Variants in LRRC49 observed in about 807,000 individuals in gnomAD.
LRRC49 encodes leucine-rich repeat-containing protein 49.
A neutral mutation model predicts 83.3 loss-of-function variants in LRRC49; 50 were observed. That is an observed-to-expected ratio of 0.60 (90% CI 0.48 to 0.76). LRRC49 has a LOEUF of 0.76. LRRC49 is among the 30% of genes least tolerant of loss of function. LRRC49 has a pLI of 0.00. For synonymous variants in LRRC49, 286 were observed against 283.3 expected, an observed-to-expected ratio of 1.01 and a Z score of -0.10; for missense variants, 704 against 809.1, an observed-to-expected ratio of 0.87 and a Z score of 1.58.
At position 70,980,139 on chromosome 15, in the gene LRRC49, A is replaced by G. The variant is rs779985740; in HGVS notation, c.960A>G (p.Lys320=). The G allele has an allele frequency of 3.1e-6, 5 of 1,612,478 alleles. No individual in the cohort carries two copies. The highest frequency in any genetic ancestry group is 1.7e-5 in the Admixed American group (1 of 59,612). Residue 320 remains lysine, a synonymous_variant, in exon 10 of 16, where the codon AAA becomes AAG. Coordinates refer to ENST00000260382, the MANE Select transcript of LRRC49 (RefSeq NM_017691.5). ...GTATGGCATCTGTTTTAGCCAAAAA[A>G]GAGGAAGAGAAGAAGCGGGAAAGTC... is the stretch of plus-strand genomic sequence containing the variant. ...ERRMASVLAK[K]EEEKKRESHK...
chr15:71,021,539 A>G (rs1207112570), intron 14 of LRRC49, among the ~76,000 whole-genome samples: 3 of 152,188 alleles, frequency 2.0e-5, no homozygotes, highest in Non-Finnish European at 2.9e-5. Context: ...TGTGTGACAA[A>G]CACCCCAAAT....
chr15:71,031,331 G>A (rs562328623), intron 14 of LRRC49, among the ~76,000 whole-genome samples: 4 of 152,346 alleles, frequency 2.6e-5, no homozygotes, highest in African/African-American at 9.6e-5. Flanking sequence ...GGAGGCTGCA[G>A]AACAGCAAAG....
exon 2 of LRRC49, chr15:70,872,943 G>T: frequency 2.8e-6 from 1 of 355,906 alleles, no homozygotes; most frequent in Non-Finnish European, 5.3e-6. Context: ...CTGGAGTGCC[G>T]TGGTGCGATC....
At chr15:70,972,964 C>T (rs1013337757) in intron 9 of LRRC49, among the ~76,000 whole-genome samples, 1 of 151,984 alleles carries the variant, frequency 6.6e-6, no homozygotes, top group African/African-American at 2.4e-5. Context: ...TTGTTACTAC[C>T]CACCTTCTGA....
At chr15:70,940,281 G>A (rs910511140) in intron 8 of LRRC49, among the ~76,000 whole-genome samples, 5 of 137,918 alleles carry the variant, frequency 3.6e-5, no homozygotes, top group African/African-American at 1.3e-4. Flanking sequence ...TTTTGAGACG[G>A]AGTCTCGCTC....
At chr15:70,874,521 A>G (rs1485816473) in intron 2 of LRRC49, among the ~76,000 whole-genome samples, 1 of 152,206 alleles carries the variant, frequency 6.6e-6, no homozygotes, top group Non-Finnish European at 1.5e-5. Flanking sequence ...GAAGGTTGAC[A>G]GTCTTTTGAA....
At chr15:70,981,473 A>G (rs938116656) in intron 10 of LRRC49, among the ~76,000 whole-genome samples, 2 of 152,002 alleles carry the variant, frequency 1.3e-5, no homozygotes, top group African/African-American at 4.8e-5. Flanking sequence ...CTGCATATGT[A>G]TCCTAGAACT....
intron 9 of LRRC49, 53 bp from the exon 10 acceptor site, chr15:70,980,048 G>T: frequency 9.1e-7 from 1 of 1,104,366 alleles, no homozygotes; most frequent in Non-Finnish European, 1.3e-6. Context: ...ATGATATTTA[G>T]CATTAAAAAA....
intron 2 of LRRC49, chr15:70,881,367 C>T (rs1388993793): frequency 6.6e-6 from 1 of 152,138 alleles, no homozygotes; most frequent in Non-Finnish European, 1.5e-5. Context: ...ATTTTATTTT[C>T]CTTAAAGCAG....
In LRRC49 at chr15:70,911,568, C is replaced by A; in HGVS notation, c.537C>A (p.Ser179Arg). ...KKISNLENLK[S>R]LDVLDLHGNQ... ...TCTCAAATCTGGAGAATCTAAAAAG[C>A]TTAGATGTCTTGGATCTTCATGGAA... Residue 179 changes from serine to arginine, a missense_variant, in exon 6 of 16, where the codon AGC becomes AGA. Transcript: ENST00000260382. 6.3e-7 allele frequency: 1 copy of A among 1,578,096 alleles called. No homozygotes were observed. Among genetic ancestry groups the A allele is most frequent in the Non-Finnish European group, 8.6e-7 (1 of 1,162,760 alleles).
chr15:70,956,598 T>G (rs2036411722), intron 8 of LRRC49, among the ~76,000 whole-genome samples: 2 of 152,168 alleles, frequency 1.3e-5, no homozygotes, highest in South Asian at 4.1e-4. Context: ...GGTGTTTTTT[T>G]TTAAACAGTC....
chr15:70,882,207 A>C (rs1031166361), intron 2 of LRRC49: 1 of 372,408 alleles, frequency 2.7e-6, no homozygotes, highest in Non-Finnish European at 4.8e-6. Flanking sequence ...TTGCTTTGTA[A>C]CCTGATTTCT....
chr15:70,859,477 C>T, intron 1 of LRRC49: 3 of 700,176 alleles, frequency 4.3e-6, no homozygotes, highest in South Asian at 4.2e-5. Flanking sequence ...ACTTCCTGGA[C>T]ACGGTCAGCA....
rs537390614 is a variant in LRRC49, at chr15:71,006,315, A to G, written c.1170-2064A>G. Among the ~76,000 whole-genome samples, 4 of 152,330 alleles carry G rather than the reference A, an allele frequency of 2.6e-5. No homozygotes were observed. The South Asian group carries it at 8.3e-4, about 32-fold the overall frequency. On this transcript the variant is annotated intron_variant, in intron 11 of 15. Coordinates refer to ENST00000260382, the MANE Select transcript of LRRC49 (RefSeq NM_017691.5). ...TTCTTAAACTTTTAATTATGTGGAA[A>G]AAGAAAAGCAAGACACTTTTAAATA...
intron 9 of LRRC49, among the ~76,000 whole-genome samples, chr15:70,970,782 A>G (rs886373268): frequency 5.3e-5 from 8 of 152,064 alleles, no homozygotes; most frequent in African/African-American, 1.9e-4. Flanking sequence ...AGAGGTGTTT[A>G]TAGTATTCTC....
intron 9 of LRRC49, among the ~76,000 whole-genome samples, chr15:70,968,764 G>A (rs1157331131): frequency 6.6e-6 from 1 of 151,952 alleles, no homozygotes; most frequent in African/African-American, 2.4e-5. Flanking sequence ...ATGTTTGATG[G>A]CTACATAAAT....
At chr15:70,900,512 T>C in intron 3 of LRRC49, 1 of 456,908 alleles carries the variant, frequency 2.2e-6, no homozygotes, top group Non-Finnish European at 4.4e-6. Context: ...CATTTGGAGA[T>C]TCTTCCATTA....
intron 6 of LRRC49, chr15:70,918,340 G>A (rs1328541594): frequency 1.3e-5 from 2 of 152,278 alleles, no homozygotes; most frequent in African/African-American, 4.8e-5. Context: ...CTTGGGCAAA[G>A]GTACCACTGG....
intron 1 of LRRC49, among the ~76,000 whole-genome samples, chr15:70,870,023 T>G (rs1010594120): frequency 2.6e-5 from 4 of 152,214 alleles, no homozygotes; most frequent in African/African-American, 9.6e-5. Flanking sequence ...CAGACCCTCT[T>G]ATTTCTGACA....
Sources: gnomAD v4.1 joint callset for allele counts (sites outside exome capture counted in the v4.1 genomes callset) on GRCh38, gnomAD v4.1.1 for gene constraint, MANE v1.5 for transcripts, NCBI Gene and HGNC (gene_info 2026-07-23, HGNC 2026-07-21) for gene names.